Variants in NAV1 observed in about 807,000 individuals in gnomAD.
The protein encoded by NAV1 is neuron navigator 1.
NAV1 carries 18 observed loss-of-function variants against 175.2 expected under a neutral mutation model. That is an observed-to-expected ratio of 0.10 (90% CI 0.07 to 0.15). NAV1 has a LOEUF of 0.15. Among genes scored for constraint, NAV1 ranks in the 10% least tolerant of loss-of-function variants. NAV1 has a pLI of 1.00. For missense variants in NAV1, 1,731 were observed against 2,436.6 expected (o/e 0.71, Z 6.10); for synonymous variants, 897 against 978.7 (o/e 0.92, Z 1.56).
chr1:201,643,261 CCTTCCCTCCCTCTCTTTCTTTCTTT>C (rs1485120008), upstream of NAV1, among the ~76,000 whole-genome samples: 65 of 142,300 alleles, frequency 4.6e-4, no homozygotes, highest in African/African-American at 1.8e-3. Flanking sequence ...CTCCCTCCTT[CCTTCCCTCCCTCTCTTTCTTTCTTT>C]CTTCCCTTCC....
chr1:201,594,283 G>C (rs1667290533), intron 2 of NAV1, among the ~76,000 whole-genome samples: 1 of 152,146 alleles, frequency 6.6e-6, no homozygotes, highest in Non-Finnish European at 1.5e-5. Context: ...GGCCTCACTT[G>C]TTCATTTCAT....
chr1:201,731,143 G>A (rs568279342), intron 3 of NAV1, among the ~76,000 whole-genome samples: 2 of 152,176 alleles, frequency 1.3e-5, no homozygotes, highest in South Asian at 2.1e-4. Flanking sequence ...ATCACGGAGA[G>A]ACAAGGTAGG....
At chr1:201,591,353 T>C (rs1667187382) in intron 2 of NAV1, among the ~76,000 whole-genome samples, 1 of 152,044 alleles carries the variant, frequency 6.6e-6, no homozygotes, top group South Asian at 2.1e-4. Context: ...CCATAGGAGA[T>C]CTGTGCTCAG....
chr1:201,604,537 C>T (rs759826065), intron 2 of NAV1, among the ~76,000 whole-genome samples: 1 of 152,006 alleles, frequency 6.6e-6, no homozygotes, highest in Non-Finnish European at 1.5e-5. Context: ...CAAAAATTAG[C>T]CGGGCATGCT....
intron 3 of NAV1, among the ~76,000 whole-genome samples, chr1:201,768,333 G>GAAGAAAA (rs1675340190): frequency 5.7e-5 from 6 of 105,674 alleles, no homozygotes; most frequent in African/African-American, 2.4e-4. Context: ...CCGTCTCAGA[G>GAAGAAAA]AAAAAAAAAA....
chr1:201,803,699 G>T (rs1379440673), exon 16 of NAV1: 1 of 1,591,120 alleles, frequency 6.3e-7, no homozygotes, highest in Non-Finnish European at 8.5e-7. Context: ...CGAAAAAGAA[G>T]AAAAAAAAGA....
chr1:201,805,374 A>G (rs559790761), intron 17 of NAV1, among the ~76,000 whole-genome samples: 1 of 152,304 alleles, frequency 6.6e-6, no homozygotes, highest in East Asian at 1.9e-4. Flanking sequence ...AGACTTCTCA[A>G]AGGAGGTAAA....
intron 2 of NAV1, among the ~76,000 whole-genome samples, chr1:201,643,192 TTCCTTCC>T (rs1044974670): frequency 1.4e-5 from 2 of 146,542 alleles, no homozygotes; most frequent in Non-Finnish European, 3.0e-5. Flanking sequence ...TCTTTCTTCC[TTCCTTCC>T]TCCTTCCTTC....
chr1:201,678,804 C>A (rs530665810), intron 1 of NAV1, among the ~76,000 whole-genome samples: 20 of 152,284 alleles, frequency 1.3e-4, no homozygotes, highest in East Asian at 1.9e-4. Flanking sequence ...GTCTGTCCCC[C>A]CTCCCAACCC....
intron 3 of NAV1, among the ~76,000 whole-genome samples, chr1:201,726,648 C>CAAAAAA (rs369489372): frequency 9.1e-6 from 1 of 110,038 alleles, no homozygotes; most frequent in Non-Finnish European, 1.9e-5. Flanking sequence ...AACTCCATCT[C>CAAAAAA]AAAAAAAAAA....
rs1054569783 is a variant in NAV1 at position 201,788,903 on chromosome 1, T to G, written c.3166+265T>G. Among the ~76,000 whole-genome samples, 8 of 152,298 alleles carry G rather than the reference T, an allele frequency of 5.3e-5. No homozygotes were observed. In the South Asian group the frequency reaches 1.7e-3, roughly 32 times the overall value. ...GGAAATTGAGCATGGAAGGGTTAAA[T>G]GGCATCCCTCAGGATGCTCTGAAAA... On this transcript the variant is annotated intron_variant, in intron 10 of 29. Coordinates refer to ENST00000367296, the Ensembl canonical transcript of NAV1. The surrounding 1 kb of genome is among the most constrained non-coding windows in gnomAD (Gnocchi z 5.7).
At chr1:201,773,069 GT>G (rs1479611599) in intron 3 of NAV1, among the ~76,000 whole-genome samples, 1 of 151,774 alleles carries the variant, frequency 6.6e-6, no homozygotes, top group Non-Finnish European at 1.5e-5. Context: ...CTTGATGACT[GT>G]TTGCTCAATT....
chr1:201,578,855 G>A (rs189831347), intron 1 of NAV1, among the ~76,000 whole-genome samples: 10 of 152,122 alleles, frequency 6.6e-5, no homozygotes, highest in South Asian at 2.1e-4. Context: ...TTTCTGGTCC[G>A]GGCATGGTGG....
chr1:201,739,894 A>G, intron 3 of NAV1: 3 of 1,286,180 alleles, frequency 2.3e-6, no homozygotes, highest in Non-Finnish European at 3.0e-6. Context: ...AGGGCAGGCG[A>G]GGGTTAGGTT....
chr1:201,771,500 G>GAA (rs55864064), intron 3 of NAV1, among the ~76,000 whole-genome samples: 78 of 86,798 alleles, frequency 9.0e-4, no homozygotes, highest in African/African-American at 1.5e-3. Flanking sequence ...ACTTCGTCTA[G>GAA]AAAAAAAAAA....
intron 3 of NAV1, among the ~76,000 whole-genome samples, chr1:201,768,286 G>A (rs186480750): frequency 1.4e-4 from 20 of 141,434 alleles, no homozygotes; most frequent in African/African-American, 4.3e-4. Flanking sequence ...CCAAGATTGC[G>A]CCATTGCACT....
At chr1:201,731,717 G>A (rs1558106332) in intron 3 of NAV1, among the ~76,000 whole-genome samples, 1 of 151,942 alleles carries the variant, frequency 6.6e-6, no homozygotes, top group East Asian at 1.9e-4. Flanking sequence ...GATGACAAAG[G>A]GCAGTTCAGG....
intron 1 of NAV1, among the ~76,000 whole-genome samples, chr1:201,710,085 C>T (rs1010591967): frequency 3.3e-5 from 5 of 151,794 alleles, no homozygotes; most frequent in Non-Finnish European, 1.5e-5. Context: ...CTATGACTCC[C>T]ATCTGGAGCA....
chr1:201,706,596 C>T (rs934419445), intron 1 of NAV1, among the ~76,000 whole-genome samples: 3 of 152,196 alleles, frequency 2.0e-5, no homozygotes, highest in African/African-American at 2.4e-5. Flanking sequence ...AAAATGAGAT[C>T]CTTTCAAGTT....
Sources: gnomAD v4.1 joint callset for allele counts (sites outside exome capture counted in the v4.1 genomes callset) on GRCh38, gnomAD v4.1.1 for gene constraint, Gnocchi (gnomAD v3.1) non-coding constraint, MANE v1.5 for transcripts, NCBI Gene and HGNC (gene_info 2026-07-23, HGNC 2026-07-21) for gene names.